GRID2: variants seen among roughly 807,000 people sequenced by gnomAD.
The protein encoded by GRID2 is glutamate ionotropic receptor delta type subunit 2.
GRID2 carries 33 observed loss-of-function variants against 114.8 expected under a neutral mutation model. That is an observed-to-expected ratio of 0.29 (90% confidence interval 0.22 to 0.38). GRID2 has a LOEUF of 0.38. Ranked by LOEUF, GRID2 falls within the 10% of genes least tolerant of loss-of-function variation. The pLI is 1.00. For missense variants in GRID2, 1,184 were observed against 1,257.7 expected (o/e 0.94, Z 0.89); for synonymous variants, 505 against 449.9 (o/e 1.12, Z -1.55).
intron 2 of GRID2, among the ~76,000 whole-genome samples, chr4:92,970,742 A>T (rs560287904): frequency 6.6e-6 from 1 of 152,078 alleles, no homozygotes; most frequent in Non-Finnish European, 1.5e-5. Flanking sequence ...TTATTTCCAA[A>T]TATTTATGTT....
chr4:93,086,428 G>C (rs1350820915), intron 3 of GRID2, among the ~76,000 whole-genome samples: 2 of 152,146 alleles, frequency 1.3e-5, no homozygotes, highest in Non-Finnish European at 2.9e-5. Flanking sequence ...AAACAAGTTG[G>C]CAGAAATCTA....
intron 1 of GRID2, among the ~76,000 whole-genome samples, chr4:92,483,196 G>A (rs1301323324): frequency 6.6e-6 from 1 of 152,040 alleles, no homozygotes; most frequent in Non-Finnish European, 1.5e-5. Flanking sequence ...AAAATTAGCT[G>A]GCTGTAGTGC....
chr4:93,632,698 G>T (rs967170185), intron 14 of GRID2, among the ~76,000 whole-genome samples: 1 of 152,080 alleles, frequency 6.6e-6, no homozygotes, highest in Non-Finnish European at 1.5e-5. Flanking sequence ...TTGGCAATGC[G>T]GGCTCTTTTT....
At chr4:93,683,316 G>C (rs535118028) in intron 14 of GRID2, among the ~76,000 whole-genome samples, 5 of 152,048 alleles carry the variant, frequency 3.3e-5, no homozygotes, top group Non-Finnish European at 7.4e-5. Flanking sequence ...TTCAGGCTTA[G>C]TATCTTTAAA....
Position 92,984,978 on chromosome 4 carries a change from GA to G in GRID2, c.245-100016del, listed in dbSNP as rs1177491111. Among the ~76,000 whole-genome samples the G allele has an allele frequency of 3.9e-5, 6 of 151,952 alleles. No homozygotes were observed. The East Asian group carries it at 1.2e-3, about 30-fold the overall frequency. On this transcript the variant is annotated intron_variant, in intron 2 of 15. Transcript: ENST00000282020. ...TCTTATTACTGATTGTATTAACCTTGACTAACTACGTTTAACAGTTTTTCTT... is the reference window on the plus strand; with the variant it reads ...TCTTATTACTGATTGTATTAACCTTGCTAACTACGTTTAACAGTTTTTCTT...
At chr4:93,379,233 A>G (rs1305760283) in intron 8 of GRID2, among the ~76,000 whole-genome samples, 1 of 152,114 alleles carries the variant, frequency 6.6e-6, no homozygotes, top group African/African-American at 2.4e-5. Flanking sequence ...ACTTGCTATT[A>G]TCAATAAGAC....
intron 13 of GRID2, among the ~76,000 whole-genome samples, chr4:93,613,289 T>A (rs1307425841): frequency 1.5e-5 from 2 of 137,350 alleles, no homozygotes; most frequent in Middle Eastern, 4.0e-3. Flanking sequence ...AATTTGATCG[T>A]CTGAAGCCTT....
intron 2 of GRID2, among the ~76,000 whole-genome samples, chr4:92,955,715 G>A (rs1441371734): frequency 6.6e-6 from 1 of 152,104 alleles, no homozygotes; most frequent in Non-Finnish European, 1.5e-5. Context: ...GAATGGTAAT[G>A]CCTAGGTTTT....
rs1000059593 is a variant in GRID2 at position 93,773,553 on chromosome 4, T to A, written c.*1055T>A. 2 of 152,150 alleles carry A rather than the reference T, an allele frequency of 1.3e-5. No individual in the cohort carries two copies. Among genetic ancestry groups the A allele is most frequent in the African/African-American group, 4.8e-5 (2 of 41,446 alleles). 9.4% of individuals were successfully genotyped at this position (152,150 alleles called of 1,614,324 possible). A position where few individuals can be genotyped will look rare whatever the true frequency, so the allele number is the denominator to read the frequency against. On this transcript the variant is annotated 3_prime_UTR_variant, in exon 16 of 16. Coordinates refer to ENST00000282020, the MANE Select transcript of GRID2 (RefSeq NM_001510.4). ...CTAACCTTGATAATTTTACTTTTAA[T>A]TAATTATCTAAATGAAAAATGCTAT...
At chr4:93,769,172 T>C (rs1483582026) in intron 14 of GRID2, 38 bp from the exon 15 acceptor site, 43 of 1,607,150 alleles carry the variant, frequency 2.7e-5, no homozygotes, top group Non-Finnish European at 3.2e-5. Context: ...GCGATAACTA[T>C]GTCTGTAATA....
At chr4:93,697,578 A>G (rs1160822773) in intron 14 of GRID2, among the ~76,000 whole-genome samples, 1 of 152,068 alleles carries the variant, frequency 6.6e-6, no homozygotes. Context: ...ACTGTCCAGA[A>G]GAAGATGCAG....
intron 1 of GRID2, among the ~76,000 whole-genome samples, chr4:92,536,709 T>A (rs1324514188): frequency 6.6e-6 from 1 of 152,192 alleles, no homozygotes; most frequent in Non-Finnish European, 1.5e-5. Flanking sequence ...CTTCCCAGAT[T>A]TTTTCTCTTA....
At chr4:92,974,485 C>T (rs1190297754) in intron 2 of GRID2, among the ~76,000 whole-genome samples, 2 of 152,064 alleles carry the variant, frequency 1.3e-5, no homozygotes, top group Non-Finnish European at 2.9e-5. Flanking sequence ...GGCACATATA[C>T]ACCATGGAAT....
intron 4 of GRID2, among the ~76,000 whole-genome samples, chr4:93,134,626 A>G (rs376090688): frequency 4.6e-5 from 7 of 152,282 alleles, no homozygotes; most frequent in Admixed American, 2.0e-4. Context: ...AACATAATGA[A>G]CATCATTTTT....
rs115606710 is a variant in GRID2 at position 92,902,120 on chromosome 4, A to G, written c.245-182875A>G. Among the ~76,000 whole-genome samples, 1,101 of 152,270 alleles carry G rather than the reference A, an allele frequency of 7.2e-3. 14 individuals are homozygous for G. Among genetic ancestry groups the G allele is most frequent in the African/African-American group, 0.025 (1,053 of 41,564 alleles). ...CAGCAGAAACCACAATTACATTTGC[A>G]CTAACCTAATATTCTATTTGGGATT... On this transcript the variant is annotated intron_variant, in intron 2 of 15. Coordinates refer to ENST00000282020, the MANE Select transcript of GRID2 (RefSeq NM_001510.4).
chr4:92,524,233 T>C (rs1560688027), intron 1 of GRID2, among the ~76,000 whole-genome samples: 1 of 151,900 alleles, frequency 6.6e-6, no homozygotes, highest in Non-Finnish European at 1.5e-5. Context: ...AAAGGATTAA[T>C]GGGTATATTA....
rs1008512293 is a variant in GRID2, at chr4:93,036,955, C to T, written c.245-48040C>T. ...AATATAACAATTGGCAAAGAATTCA[C>T]GTTAGGAAAGGTACAAAGCAGTAAA... On this transcript the variant is annotated intron_variant, in intron 2 of 15. Transcript: ENST00000282020. Among the ~76,000 whole-genome samples the T allele has an allele frequency of 3.9e-5, 6 of 152,068 alleles. No homozygotes were observed. In the East Asian group the frequency reaches 5.8e-4, roughly 15 times the overall value.
intron 2 of GRID2, among the ~76,000 whole-genome samples, chr4:92,785,715 T>TTGATATA (rs1294757289): frequency 6.6e-6 from 1 of 151,798 alleles, no homozygotes; most frequent in African/African-American, 2.4e-5. Context: ...TATTTTACTT[T>TTGATATA]TGATATAATC....
intron 2 of GRID2, among the ~76,000 whole-genome samples, chr4:92,952,306 A>T (rs1752096277): frequency 6.6e-6 from 1 of 152,170 alleles, no homozygotes; most frequent in African/African-American, 2.4e-5. Flanking sequence ...CTGTTTACAT[A>T]TTTTTATCAT....
Sources: allele counts gnomAD v4.1 joint callset (sites outside exome capture counted in the v4.1 genomes callset), GRCh38; gene constraint gnomAD v4.1.1; transcripts MANE v1.5; gene names NCBI Gene and HGNC (gene_info 2026-07-23, HGNC 2026-07-21).